The following IL17B variants were observed in gnomAD, a reference collection of about 807,000 sequenced individuals.
The protein encoded by IL17B is interleukin 17B, also known as interleukin-17B.
Under a neutral mutation model 14.7 loss-of-function variants are expected in IL17B, and 14 were observed. The observed-to-expected ratio is 0.95, with a 90% confidence interval of 0.63 to 1.49. IL17B has a LOEUF of 1.49. Ranked by LOEUF, IL17B falls within the 40% of genes most tolerant of loss-of-function variation. The pLI is 0.00. For missense variants in IL17B, 233 were observed against 252.8 expected (o/e 0.92, Z 0.53); for synonymous variants, 105 against 94.8 (o/e 1.11, Z -0.62).
At chr5:149,379,141 A>T in intron 1 of IL17B, 64 bp downstream of exon 1, 2 of 1,602,592 alleles carry the variant, frequency 1.2e-6, no homozygotes, top group Non-Finnish European at 1.7e-6. Context: ...TAAATAGGAA[A>T]GAAAAACTGA....
chr5:149,378,414 C>T lies in IL17B; in HGVS notation c.21+791G>A, dbSNP rs552908576. Among the ~76,000 whole-genome samples, 6 of 152,306 alleles carry T rather than the reference C, an allele frequency of 3.9e-5. No individual in the cohort carries two copies. The East Asian group carries it at 9.7e-4, about 25-fold the overall frequency. Reference sequence around the variant, plus strand: ...CCTTTGGCTCACAAGGAAGAGGACTCAGGCCCGGCAGAAGCCAGACTCCCC... The same window carrying T: ...CCTTTGGCTCACAAGGAAGAGGACTTAGGCCCGGCAGAAGCCAGACTCCCC... On this transcript the variant is annotated intron_variant, in intron 1 of 2. Transcript: ENST00000261796.
chr5:149,374,582 G>T lies in IL17B; in HGVS notation c.330C>A (p.Ser110Arg), dbSNP rs2127616242. The T allele has an allele frequency of 2.5e-6, 4 of 1,611,744 alleles. No individual in the cohort carries two copies. Among genetic ancestry groups the T allele is most frequent in the Admixed American group, 1.7e-5 (1 of 59,988 alleles). ...CCTCCGGCAGGTCCACGGGGATACG[G>T]CTGGGGTCGTGGTTGATGCTGCAGG... ...PWGYSINHDP[S>R]RIPVDLPEAR... Residue 110 changes from serine to arginine, a missense_variant, in exon 3 of 3, where the codon AGC (serine) becomes AGA (arginine). By Grantham distance (110) the Ser-to-Arg change is moderately radical (BLOSUM62 -1). Coordinates refer to ENST00000261796, the MANE Select transcript of IL17B (RefSeq NM_014443.3). The surrounding 1 kb of genome is among the most constrained non-coding windows in gnomAD (Gnocchi z 5.0).
chr5:149,377,918 C>T (rs1010693141), intron 1 of IL17B, among the ~76,000 whole-genome samples: 13 of 151,988 alleles, frequency 8.6e-5, no homozygotes, highest in Non-Finnish European at 1.3e-4. Context: ...CCGAGGCGGG[C>T]AGATCACAAA....
At chr5:149,392,927 T>C (rs1581394353) in intron 1 of IL17B, among the ~76,000 whole-genome samples, 1 of 126,706 alleles carries the variant, frequency 7.9e-6, no homozygotes. Flanking sequence ...TGTGTGCATG[T>C]GTGTGTACGT....
chr5:149,394,036 T>G (rs1325462442), intron 1 of IL17B, among the ~76,000 whole-genome samples: 1 of 152,218 alleles, frequency 6.6e-6, no homozygotes, highest in Admixed American at 6.5e-5. Context: ...TTTATAGATT[T>G]AAAGGGAGTT....
At chr5:149,403,906 G>C (rs1375563623) in intron 1 of IL17B, among the ~76,000 whole-genome samples, 1 of 152,142 alleles carries the variant, frequency 6.6e-6, no homozygotes, top group East Asian at 1.9e-4. Context: ...ACCAATTCAA[G>C]GTCTTCCTTG....
chr5:149,399,011 T>C (rs559241356), intron 1 of IL17B, among the ~76,000 whole-genome samples: 2 of 152,304 alleles, frequency 1.3e-5, no homozygotes, highest in South Asian at 4.1e-4. Context: ...GAAGAGTGCT[T>C]GTCTAGGGAA....
At chr5:149,404,194 CA>C (rs1159314322) in exon 1 of IL17B, 1 of 152,222 alleles carries the variant, frequency 6.6e-6, no homozygotes, top group Non-Finnish European at 1.5e-5. Flanking sequence ...AGCCACTTCA[CA>C]GAATGAGTTG....
At chr5:149,384,747 C>G (rs1444669694) in intron 1 of IL17B, among the ~76,000 whole-genome samples, 2 of 152,074 alleles carry the variant, frequency 1.3e-5, no homozygotes. Context: ...CTAGTCAGCT[C>G]AATTCTAGCA....
chr5:149,399,647 G>A (rs1284878326), intron 1 of IL17B, among the ~76,000 whole-genome samples: 1 of 152,192 alleles, frequency 6.6e-6, no homozygotes, highest in Non-Finnish European at 1.5e-5. Context: ...GTGAATTGTG[G>A]ATGGTGGGAT....
intron 1 of IL17B, 76 bp from the exon 2 acceptor site, chr5:149,377,101 T>C: frequency 7.8e-7 from 1 of 1,289,134 alleles, no homozygotes; most frequent in South Asian, 1.5e-5. Flanking sequence ...TCCATGGTCC[T>C]TTCCCATTGC....
At chr5:149,379,477 C>T (rs1218827753), upstream of IL17B, among the ~76,000 whole-genome samples, 5 of 152,284 alleles carry the variant, frequency 3.3e-5, no homozygotes, top group Admixed American at 6.5e-5. Context: ...GGCTGTTGAC[C>T]GAGGGACAAT....
At chr5:149,387,635 G>C (rs538422328) in intron 1 of IL17B, among the ~76,000 whole-genome samples, 1 of 135,806 alleles carries the variant, frequency 7.4e-6, no homozygotes, top group Non-Finnish European at 1.6e-5. Context: ...TTAGCCAGGC[G>C]TGGTGGCATG....
chr5:149,383,324 G>C (rs549793834), upstream of IL17B, among the ~76,000 whole-genome samples: 2 of 152,342 alleles, frequency 1.3e-5, no homozygotes, highest in East Asian at 3.9e-4. Flanking sequence ...ATTACGAAGT[G>C]GGGACAAGGC....
chr5:149,397,625 T>C (rs1759117323), intron 1 of IL17B, among the ~76,000 whole-genome samples: 1 of 152,182 alleles, frequency 6.6e-6, no homozygotes, highest in Non-Finnish European at 1.5e-5. Context: ...AAATCTGTAT[T>C]AGTCAGCGTT....
chr5:149,382,081 GCCAAC>G (rs1344637308), upstream of IL17B, among the ~76,000 whole-genome samples: 1 of 152,238 alleles, frequency 6.6e-6, no homozygotes, highest in Non-Finnish European at 1.5e-5. Context: ...TAGAAAGCCA[GCCAAC>G]CCTGAAAAAT....
chr5:149,400,696 T>C (rs1759187184), intron 1 of IL17B, among the ~76,000 whole-genome samples: 1 of 152,120 alleles, frequency 6.6e-6, no homozygotes, highest in Admixed American at 6.5e-5. Context: ...TTGGCTTACA[T>C]GATTATAAAG....
intron 1 of IL17B, among the ~76,000 whole-genome samples, chr5:149,386,929 C>T (rs1758837426): frequency 6.6e-6 from 1 of 152,214 alleles, no homozygotes. Context: ...TGGTCTTGAA[C>T]TCCTGAACTC....
chr5:149,391,380 C>A (rs183368778), intron 1 of IL17B, among the ~76,000 whole-genome samples: 4 of 152,212 alleles, frequency 2.6e-5, no homozygotes, highest in African/African-American at 9.7e-5. Context: ...TGGAGAACCT[C>A]AGCCACGGGG....
Sources: allele counts gnomAD v4.1 joint callset (sites outside exome capture counted in the v4.1 genomes callset), GRCh38; gene constraint gnomAD v4.1.1; non-coding constraint Gnocchi (gnomAD v3.1); transcripts MANE v1.5; gene names NCBI Gene and HGNC (gene_info 2026-07-23, HGNC 2026-07-21).